The following MICU1 variants were observed in gnomAD, a reference collection of about 807,000 sequenced individuals.
MICU1 encodes the protein mitochondrial calcium uptake 1.
Under a neutral mutation model 56.8 loss-of-function variants are expected in MICU1, and 45 were observed. The observed-to-expected ratio is 0.79, with a 90% confidence interval of 0.62 to 1.02. The LOEUF is 1.02. Among genes scored for constraint, MICU1 ranks in the 50% least tolerant of loss-of-function variants. The probability of loss-of-function intolerance (pLI) is 0.00; values close to 1 mark genes in which losing one functional copy is unlikely to be tolerated. For missense variants in MICU1, 504 were observed against 587.1 expected (o/e 0.86, Z 1.46); for synonymous variants, 186 against 195.1 (o/e 0.95, Z 0.39).
At position 72,413,459 on chromosome 10, in the gene MICU1, G is replaced by A. The variant is rs536892210; in HGVS notation, c.1072-5422C>T. 7.2e-5 allele frequency among the ~76,000 whole-genome samples: 11 copies of A among 152,250 alleles called. No individual in the cohort carries two copies. The East Asian group carries it at 1.2e-3, about 16-fold the overall frequency. On this transcript the variant is annotated intron_variant, in intron 9 of 11. Coordinates refer to ENST00000361114, the MANE Select transcript of MICU1 (RefSeq NM_001195518.2). ...TAACAGACTTGAATCCAGGTCGGGC[G>A]CAGTGGCTCACACCTGTAATGCCAG...
chr10:72,403,657 G>GTGTC (rs1273059776), intron 10 of MICU1, among the ~76,000 whole-genome samples: 1 of 151,184 alleles, frequency 6.6e-6, no homozygotes, highest in Non-Finnish European at 1.5e-5. Flanking sequence ...GTGTGTGTGT[G>GTGTC]TGTGTGTGTG....
intron 10 of MICU1, among the ~76,000 whole-genome samples, chr10:72,388,661 A>G (rs777077223): frequency 3.3e-5 from 5 of 152,188 alleles, no homozygotes; most frequent in Non-Finnish European, 7.3e-5. Flanking sequence ...CTTCATTCTC[A>G]CCCTAAGAAT....
chr10:72,574,001 G>A (rs948079717), intron 1 of MICU1, among the ~76,000 whole-genome samples: 1 of 152,018 alleles, frequency 6.6e-6, no homozygotes, highest in African/African-American at 2.4e-5. Flanking sequence ...ATTTCTGCTT[G>A]CCTTTTTATA....
chr10:72,524,643 A>G (rs1867915136), intron 5 of MICU1: 2 of 813,216 alleles, frequency 2.5e-6, no homozygotes, highest in Non-Finnish European at 3.3e-6. Context: ...GGGCAAGGAC[A>G]TATGCATCAT....
chr10:72,537,246 G>A (rs187970877), intron 4 of MICU1, among the ~76,000 whole-genome samples: 1 of 152,306 alleles, frequency 6.6e-6, no homozygotes, highest in East Asian at 1.9e-4. Context: ...GGTTGGATTA[G>A]ATCAGTTCTT....
chr10:72,461,636 T>G (rs1047959212), intron 8 of MICU1, among the ~76,000 whole-genome samples: 1 of 152,228 alleles, frequency 6.6e-6, no homozygotes, highest in Non-Finnish European at 1.5e-5. Context: ...GGAAAACTAG[T>G]GTAAATTATT....
intron 2 of MICU1, among the ~76,000 whole-genome samples, chr10:72,566,094 AG>A (rs1167113216): frequency 1.7e-5 from 2 of 119,396 alleles, no homozygotes; most frequent in African/African-American, 6.6e-5. Context: ...CCCAGGCTGG[AG>A]TACAATGGCA....
rs60988890 is a variant in MICU1 at position 72,556,998 on chromosome 10, G to A, written c.331-5657C>T. On this transcript the variant is annotated intron_variant, in intron 3 of 11. Coordinates refer to ENST00000361114, the MANE Select transcript of MICU1 (RefSeq NM_001195518.2). ...GGAGAATCACTTGAACCCAGGAGGC[G>A]GAGGATGCAGTGAGCAGAGATCACG... Among the ~76,000 whole-genome samples the A allele has an allele frequency of 4.6e-3, 693 of 152,010 alleles. 6 individuals are homozygous for A. The highest frequency in any genetic ancestry group is 0.017 in the Middle Eastern group (5 of 292).
At chr10:72,370,726 A>G (rs919519135) in intron 11 of MICU1, among the ~76,000 whole-genome samples, 1 of 152,160 alleles carries the variant, frequency 6.6e-6, no homozygotes, top group Admixed American at 6.5e-5. Flanking sequence ...ACCAAGCTGT[A>G]CACTTAAGAT....
chr10:72,485,237 T>A (rs1050900068), intron 6 of MICU1, among the ~76,000 whole-genome samples: 32 of 18,438 alleles, frequency 1.7e-3, no homozygotes, highest in Non-Finnish European at 4.1e-3. Context: ...ATAATCGTTT[T>A]GTTTTGTTTT....
At chr10:72,581,328 C>T (rs908360682) in intron 1 of MICU1, among the ~76,000 whole-genome samples, 11 of 152,074 alleles carry the variant, frequency 7.2e-5, no homozygotes, top group Non-Finnish European at 1.3e-4. Flanking sequence ...TCTGTTATGC[C>T]TGTATTTAAG....
intron 6 of MICU1, among the ~76,000 whole-genome samples, chr10:72,485,480 C>T (rs1055234842): frequency 5.3e-5 from 8 of 151,150 alleles, no homozygotes; most frequent in Non-Finnish European, 8.8e-5. Flanking sequence ...TATATATAAC[C>T]AGGATTATAT....
In MICU1 at chr10:72,624,357, TTG is replaced by T. The variant is rs541772680; in HGVS notation, c.-2+1651_-2+1652del. On this transcript the variant is annotated intron_variant, in intron 1 of 11. Coordinates refer to ENST00000361114, the MANE Select transcript of MICU1 (RefSeq NM_001195518.2). ...CTACAGGCATGCGCCCAGCTAATTTTTGTGTTTTGTAGAGATGGTCTTGCCAT... is the reference window on the plus strand; with the variant it reads ...CTACAGGCATGCGCCCAGCTAATTTTTGTTTTGTAGAGATGGTCTTGCCAT... Among the ~76,000 whole-genome samples, 6 of 152,232 alleles carry T rather than the reference TTG, an allele frequency of 3.9e-5. No homozygotes were observed. In the South Asian group the frequency reaches 1.2e-3, roughly 32 times the overall value.
intron 8 of MICU1, among the ~76,000 whole-genome samples, chr10:72,424,728 G>C (rs1421911550): frequency 6.6e-6 from 1 of 152,168 alleles, no homozygotes; most frequent in Admixed American, 6.6e-5. Context: ...TTTGAACTCA[G>C]CCTTATTTGG....
At chr10:72,469,152 T>C (rs1300986519) in intron 8 of MICU1, among the ~76,000 whole-genome samples, 1 of 152,210 alleles carries the variant, frequency 6.6e-6, no homozygotes, top group Non-Finnish European at 1.5e-5. Flanking sequence ...TGGCTCATAG[T>C]AGGTACTCAA....
chr10:72,618,388 T>C (rs998331673), intron 1 of MICU1, among the ~76,000 whole-genome samples: 16 of 152,160 alleles, frequency 1.1e-4, no homozygotes, highest in Admixed American at 6.6e-5. Flanking sequence ...TGTGTGCCAC[T>C]GCCCCTAGCT....
At chr10:72,582,698 T>C (rs2132509780) in intron 1 of MICU1, 2 of 151,904 alleles carry the variant, frequency 1.3e-5, no homozygotes, top group South Asian at 4.2e-4. Flanking sequence ...GAAGATCACT[T>C]GTGCCCAGGA....
At chr10:72,565,700 C>T (rs924185535) in intron 2 of MICU1, among the ~76,000 whole-genome samples, 2 of 151,624 alleles carry the variant, frequency 1.3e-5, no homozygotes, top group Non-Finnish European at 2.9e-5. Context: ...CATGGTGGTG[C>T]ACACCTATAA....
chr10:72,598,551 G>A (rs1041987471), intron 1 of MICU1, among the ~76,000 whole-genome samples: 5 of 151,832 alleles, frequency 3.3e-5, no homozygotes, highest in African/African-American at 4.8e-5. Context: ...CCACCGTGCC[G>A]GGCCTCAAAA....
Sources: allele counts gnomAD v4.1 joint callset (sites outside exome capture counted in the v4.1 genomes callset), GRCh38; gene constraint gnomAD v4.1.1; transcripts MANE v1.5; gene names NCBI Gene and HGNC (gene_info 2026-07-23, HGNC 2026-07-21).